The following ASH2L variants were observed in gnomAD, a reference collection of about 807,000 sequenced individuals.
ASH2L encodes the protein ASH2 like, histone lysine methyltransferase complex subunit.
Under a neutral mutation model 81.1 loss-of-function variants are expected in ASH2L, and 30 were observed. That is an observed-to-expected ratio of 0.37 (90% CI 0.28 to 0.50). ASH2L has a LOEUF of 0.50. Ranked by LOEUF, ASH2L falls within the 20% of genes least tolerant of loss-of-function variation. The pLI, the probability that ASH2L is intolerant of heterozygous loss-of-function variation, is 0.95. For missense variants in ASH2L, 559 were observed against 792.1 expected, an observed-to-expected ratio of 0.71 and a Z score of 3.53; for synonymous variants, 273 against 279.9, an observed-to-expected ratio of 0.98 and a Z score of 0.24.
chr8:38,119,626 C>T (rs1167407315), intron 9 of ASH2L, among the ~76,000 whole-genome samples: 2 of 151,050 alleles, frequency 1.3e-5, no homozygotes, highest in African/African-American at 2.4e-5. Context: ...GCCAACATGG[C>T]GAAACCCCAT....
chr8:38,119,798 G>T (rs886675332), intron 9 of ASH2L, among the ~76,000 whole-genome samples: 2 of 151,200 alleles, frequency 1.3e-5, no homozygotes, highest in Admixed American at 6.6e-5. Context: ...ATGAGACTCC[G>T]TCTCAAAAAC....
Position 38,139,128 on chromosome 8 carries a change from T to C in ASH2L, c.*57T>C. On this transcript the variant is annotated 3_prime_UTR_variant, in exon 16 of 16. Coordinates refer to ENST00000343823, the MANE Select transcript of ASH2L (RefSeq NM_004674.5). The stretch of plus-strand genomic sequence containing the variant: ...GGGAATAATACTGGGGGTTTTGTTT[T>C]TGTTTTTGAACTGTCTCAAATGTTC... 7.4e-7 allele frequency: 1 copy of C among 1,354,718 alleles called. No homozygotes were observed. The highest frequency in any genetic ancestry group is 1.0e-6 in the Non-Finnish European group (1 of 996,492). 83.9% of individuals were successfully genotyped at this position (1,354,718 alleles called of 1,614,324 possible). A position where few individuals can be genotyped will look rare whatever the true frequency, so the allele number is the denominator to read the frequency against.
intron 1 of ASH2L, 45 bp downstream of exon 1, chr8:38,105,783 C>G: frequency 6.7e-7 from 1 of 1,497,566 alleles, no homozygotes; most frequent in Non-Finnish European, 8.9e-7. Context: ...GGGAGGCCCG[C>G]CCCTCGCGAA....
At chr8:38,105,918 C>A (rs558942938) in intron 1 of ASH2L, 180 bp downstream of exon 1, 2 of 1,482,884 alleles carry the variant, frequency 1.3e-6, no homozygotes, top group Admixed American at 4.6e-5. Flanking sequence ...AACGCCCCTT[C>A]CGCACCTTTC....
At chr8:38,107,868 ATGTGTGTGTGTGTGTGTG>A (rs10542885) in intron 3 of ASH2L, among the ~76,000 whole-genome samples, 1 of 141,396 alleles carries the variant, frequency 7.1e-6, no homozygotes, top group African/African-American at 2.6e-5. Flanking sequence ...AAATACATAT[ATGTGTGTGTGTGTGTGTG>A]TGTGTGTGTG....
intron 10 of ASH2L, among the ~76,000 whole-genome samples, chr8:38,121,367 ATATATATATATG>A (rs1392136909): frequency 2.8e-4 from 39 of 140,286 alleles, no homozygotes; most frequent in Non-Finnish European, 5.7e-4. Context: ...ATATATATAT[ATATATATATATG>A]GTTTTTTAAA....
At chr8:38,108,973 T>G (rs1369664388) in intron 3 of ASH2L, among the ~76,000 whole-genome samples, 1 of 152,044 alleles carries the variant, frequency 6.6e-6, no homozygotes, top group Non-Finnish European at 1.5e-5. Flanking sequence ...TACCAGCTAC[T>G]CAGGAGCTTT....
At chr8:38,106,559 A>C in intron 2 of ASH2L, 115 bp downstream of exon 2, 6 of 862,728 alleles carry the variant, frequency 7.0e-6, no homozygotes, top group Non-Finnish European at 1.1e-5. Flanking sequence ...CCAGGCTGGA[A>C]TGCAGTGGCG....
chr8:38,136,772 CAAA>C (rs77626059), intron 14 of ASH2L, among the ~76,000 whole-genome samples: 4 of 119,072 alleles, frequency 3.4e-5, no homozygotes, highest in Admixed American at 8.8e-5. Flanking sequence ...GACTCTGTGT[CAAA>C]AAAAAAAAAA....
intron 14 of ASH2L, 72 bp from the exon 15 acceptor site, chr8:38,138,744 C>CTG: frequency 7.5e-7 from 1 of 1,330,118 alleles, no homozygotes; most frequent in Non-Finnish European, 1.1e-6. Flanking sequence ...TGAAAATTTC[C>CTG]TGTGTCAAAT....
rs970013865 is a variant in ASH2L at position 38,127,346 on chromosome 8, T to G, written c.1166-945T>G. On this transcript the variant is annotated intron_variant, in intron 10 of 15. Coordinates refer to ENST00000343823, the MANE Select transcript of ASH2L (RefSeq NM_004674.5). ...TTAAAAAAAAAAAAAAAAAGTTAAA[T>G]TTTTTAAATGAAGATTTATTCAAAT... Among the ~76,000 whole-genome samples the G allele has an allele frequency of 2.6e-3, 391 of 151,922 alleles. 2 individuals are homozygous for G. Among genetic ancestry groups the G allele is most frequent in the African/African-American group, 9.0e-3 (374 of 41,404 alleles).
intron 7 of ASH2L, among the ~76,000 whole-genome samples, chr8:38,116,169 G>C (rs889538408): frequency 6.6e-6 from 1 of 152,118 alleles, no homozygotes; most frequent in Non-Finnish European, 1.5e-5. Context: ...TTTGAGACCA[G>C]CCTAGCCAAC....
At chr8:38,106,552 G>T in intron 2 of ASH2L, 108 bp downstream of exon 2, 2 of 963,006 alleles carry the variant, frequency 2.1e-6, no homozygotes, top group Non-Finnish European at 1.5e-6. Context: ...CTGTCGCCCA[G>T]GCTGGAATGC....
intron 3 of ASH2L, 112 bp from the exon 4 acceptor site, chr8:38,110,267 G>A (rs1033244227): frequency 3.8e-6 from 3 of 789,980 alleles, no homozygotes; most frequent in African/African-American, 1.7e-5. Context: ...AGCTATGATT[G>A]CACCACTGCA....
chr8:38,114,322 A>T (rs759751279), intron 6 of ASH2L, 35 bp downstream of exon 6: 146 of 1,314,944 alleles, frequency 1.1e-4, no homozygotes, highest in Non-Finnish European at 1.5e-4. Flanking sequence ...CTTGACATTT[A>T]AAAAACCATT....
At position 38,128,893 on chromosome 8, in the gene ASH2L, TTAA is replaced by T; in HGVS notation, c.1471_1473del (p.Asn491del). The stretch of plus-strand genomic sequence containing the variant: ...CAGGGAGACGTCCTGGGATTTTATA[TTAA>T]TCTTCCTGAAGACACAGAGACAGCC... On this transcript the variant is annotated inframe_deletion, in exon 12 of 16. Transcript: ENST00000343823. The T allele has an allele frequency of 1.2e-6, 2 of 1,614,090 alleles. No homozygotes were observed. The highest frequency in any genetic ancestry group is 1.7e-6 in the Non-Finnish European group (2 of 1,179,994).
chr8:38,120,436 A>T (rs1012859408), intron 9 of ASH2L, among the ~76,000 whole-genome samples: 9 of 151,834 alleles, frequency 5.9e-5, no homozygotes, highest in African/African-American at 2.2e-4. Context: ...TTTTTGTGAG[A>T]TGGAGTTTTG....
At chr8:38,108,681 C>T (rs977299918) in intron 3 of ASH2L, among the ~76,000 whole-genome samples, 2 of 151,912 alleles carry the variant, frequency 1.3e-5, no homozygotes, top group Non-Finnish European at 2.9e-5. Context: ...ATTAGTTGGG[C>T]ACAGTGGTGC....
chr8:38,136,697 C>T (rs373296500), intron 14 of ASH2L, among the ~76,000 whole-genome samples: 1 of 151,618 alleles, frequency 6.6e-6, no homozygotes, highest in Non-Finnish European at 1.5e-5. Flanking sequence ...ATCACTTGAA[C>T]CCAGGAGGCG....
Sources: gnomAD v4.1 joint callset for allele counts (sites outside exome capture counted in the v4.1 genomes callset) on GRCh38, gnomAD v4.1.1 for gene constraint, MANE v1.5 for transcripts, NCBI Gene and HGNC (gene_info 2026-07-23, HGNC 2026-07-21) for gene names.